Variants in ST3GAL1 observed in about 807,000 individuals in gnomAD.
ST3GAL1 encodes ST3 beta-galactoside alpha-2,3-sialyltransferase 1.
Under a neutral mutation model 34.1 loss-of-function variants are expected in ST3GAL1, and 16 were observed. That is an observed-to-expected ratio of 0.47 (90% CI 0.32 to 0.71). The LOEUF (loss-of-function observed/expected upper bound fraction) is 0.71. Among genes scored for constraint, ST3GAL1 ranks in the 30% least tolerant of loss-of-function variants. ST3GAL1 has a pLI of 0.04. For synonymous variants in ST3GAL1, 191 were observed against 184.7 expected (o/e 1.03, Z -0.28); for missense variants, 353 against 447.4 (o/e 0.79, Z 1.90).
chr8:133,503,260 T>C (rs1817238377), intron 2 of ST3GAL1, among the ~76,000 whole-genome samples: 1 of 152,218 alleles, frequency 6.6e-6, no homozygotes, highest in Non-Finnish European at 1.5e-5. Context: ...ACGTTTGATT[T>C]GTAAGAACTG....
chr8:133,552,832 G>C (rs1241295687), intron 1 of ST3GAL1, among the ~76,000 whole-genome samples: 1 of 152,182 alleles, frequency 6.6e-6, no homozygotes. Context: ...AGCAACCATA[G>C]GTTAAGTACA....
At position 133,459,329 on chromosome 8, in the gene ST3GAL1, CCAA is replaced by C. The variant is rs1815410119; in HGVS notation, c.*432_*434del. 1 of 155,438 alleles carries C rather than the reference CCAA, an allele frequency of 6.4e-6. No homozygotes were observed. The highest frequency in any genetic ancestry group is 2.1e-4 in the South Asian group (1 of 4,874). 9.6% of individuals were successfully genotyped at this position (155,438 alleles called of 1,614,324 possible). ...GAAGGGCAGCATCTCGCCCCGAGCG[CCAA>C]CACCGCCTGGCACGTCTCTGTGCTG... On this transcript the variant is annotated 3_prime_UTR_variant, in exon 10 of 10. Coordinates refer to ENST00000522652, the MANE Select transcript of ST3GAL1 (RefSeq NM_173344.3). The surrounding 1 kb of genome is among the most constrained non-coding windows in gnomAD (Gnocchi z 4.7).
rs988981439 is a variant in ST3GAL1 at position 133,571,666 on chromosome 8, A to C, written c.-582+27T>G. The C allele has an allele frequency of 6.5e-6, 1 of 152,878 alleles. No individual in the cohort carries two copies. Among genetic ancestry groups the C allele is most frequent in the Admixed American group, 6.5e-5 (1 of 15,276 alleles). 9.5% of individuals were successfully genotyped at this position (152,878 alleles called of 1,614,324 possible). On this transcript the variant is annotated intron_variant, in intron 1 of 9. Coordinates refer to ENST00000522652, the MANE Select transcript of ST3GAL1 (RefSeq NM_173344.3). The surrounding 1 kb of genome is among the most constrained non-coding windows in gnomAD (Gnocchi z 6.7). Reference sequence around the variant, plus strand: ...GACGCAGCCCCCGCGCACCCCGAGCAGGGTTCGCCTCCGCGCGCGCACTCA... The same window carrying C: ...GACGCAGCCCCCGCGCACCCCGAGCCGGGTTCGCCTCCGCGCGCGCACTCA...
At chr8:133,560,919 A>T (rs1269271645) in intron 1 of ST3GAL1, among the ~76,000 whole-genome samples, 1 of 152,158 alleles carries the variant, frequency 6.6e-6, no homozygotes, top group Non-Finnish European at 1.5e-5. Flanking sequence ...GTCACTGTAA[A>T]GACTAGGCTC....
chr8:133,531,598 T>A (rs915959240), intron 2 of ST3GAL1, among the ~76,000 whole-genome samples: 1 of 152,036 alleles, frequency 6.6e-6, no homozygotes, highest in East Asian at 1.9e-4. Context: ...TAAAAAGCCA[T>A]GTTCTTCTCC....
intron 2 of ST3GAL1, among the ~76,000 whole-genome samples, chr8:133,523,815 G>A (rs900308149): frequency 9.2e-5 from 14 of 152,200 alleles, no homozygotes; most frequent in African/African-American, 3.4e-4. Context: ...AAGTGGGAGT[G>A]TATTTTTTCA....
At chr8:133,545,132 A>T (rs548467253) in intron 2 of ST3GAL1, among the ~76,000 whole-genome samples, 63 of 152,386 alleles carry the variant, frequency 4.1e-4, no homozygotes, top group African/African-American at 1.4e-3. Context: ...CATTTTAATT[A>T]AAATTTCATT....
intron 3 of ST3GAL1, among the ~76,000 whole-genome samples, chr8:133,477,229 A>C (rs1816212911): frequency 6.6e-6 from 1 of 152,240 alleles, no homozygotes; most frequent in African/African-American, 2.4e-5. Flanking sequence ...AAGATAAGAT[A>C]AAATGATGTA....
chr8:133,542,111 ACC>A (rs57523562), intron 2 of ST3GAL1, among the ~76,000 whole-genome samples: 3,999 of 94,936 alleles, frequency 0.042, 158 homozygotes, highest in African/African-American at 0.13. Context: ...ACACACACAC[ACC>A]CACGCACACA....
chr8:133,538,993 A>T (rs1464367475), intron 2 of ST3GAL1, among the ~76,000 whole-genome samples: 1 of 152,158 alleles, frequency 6.6e-6, no homozygotes, highest in East Asian at 1.9e-4. Flanking sequence ...GCTGGCTGCC[A>T]GGGAGGCTGT....
intron 3 of ST3GAL1, among the ~76,000 whole-genome samples, chr8:133,480,202 C>A (rs1337845691): frequency 6.6e-6 from 1 of 152,218 alleles, no homozygotes; most frequent in African/African-American, 2.4e-5. Context: ...CACCTGCACA[C>A]AACAGAGCTT....
chr8:133,465,184 A>G (rs7846629), intron 6 of ST3GAL1, among the ~76,000 whole-genome samples: 15,554 of 152,066 alleles, frequency 0.1, 1,236 homozygotes, highest in African/African-American at 0.23. Flanking sequence ...CATCACCACC[A>G]CTGCCCGCCT....
intron 3 of ST3GAL1, among the ~76,000 whole-genome samples, chr8:133,496,684 G>A (rs1816955426): frequency 6.6e-6 from 1 of 152,182 alleles, no homozygotes; most frequent in South Asian, 2.1e-4. Context: ...GGAGCCCAGG[G>A]TTCTGGTTCC....
intron 1 of ST3GAL1, among the ~76,000 whole-genome samples, chr8:133,569,839 G>A (rs993277723): frequency 6.6e-6 from 1 of 152,232 alleles, no homozygotes; most frequent in East Asian, 1.9e-4. Context: ...GCAGCGCGGG[G>A]TAAAGAAAAT....
At chr8:133,547,174 G>C (rs1770352399) in intron 1 of ST3GAL1, among the ~76,000 whole-genome samples, 1 of 152,114 alleles carries the variant, frequency 6.6e-6, no homozygotes. Context: ...GTTTGGCCAC[G>C]AGACTTGCTT....
intron 5 of ST3GAL1, among the ~76,000 whole-genome samples, chr8:133,468,113 C>G (rs962176099): frequency 3.3e-5 from 5 of 152,010 alleles, no homozygotes; most frequent in Non-Finnish European, 7.4e-5. Flanking sequence ...TCCACTCCTA[C>G]GTATATACCC....
In ST3GAL1 at chr8:133,500,750, G is replaced by C. The variant is rs143615112; in HGVS notation, c.-428-1561C>G. Among the ~76,000 whole-genome samples, 17 of 152,272 alleles carry C rather than the reference G, an allele frequency of 1.1e-4. No homozygotes were observed. In the East Asian group the frequency reaches 3.3e-3, roughly 29 times the overall value. On this transcript the variant is annotated intron_variant, in intron 2 of 9. Coordinates refer to ENST00000522652, the MANE Select transcript of ST3GAL1 (RefSeq NM_173344.3). ...ATATGAAGTGCGTAAAGCATGCTTG[G>C]CCTCTCAGCCATGCTCCCTGAGGGC... is the stretch of plus-strand genomic sequence containing the variant.
chr8:133,510,612 TTAAC>T (rs1394936748), intron 2 of ST3GAL1, among the ~76,000 whole-genome samples: 67 of 152,212 alleles, frequency 4.4e-4, no homozygotes, highest in African/African-American at 1.5e-3. Flanking sequence ...ATTGCATTAA[TTAAC>T]TAATTAGTGC....
In ST3GAL1 at chr8:133,476,512, TA is replaced by T. The variant is rs1816185976; in HGVS notation, c.-286del. The T allele has an allele frequency of 6.5e-6, 1 of 153,088 alleles. No individual in the cohort carries two copies. Among genetic ancestry groups the T allele is most frequent in the African/African-American group, 2.4e-5 (1 of 41,442 alleles). 9.5% of individuals were successfully genotyped at this position (153,088 alleles called of 1,614,324 possible). ...TCCAACTGTGGTTTCTGACGATCCT[TA>T]ATTAGGGCTTTTTCTTTCCCATCCT... On this transcript the variant is annotated 5_prime_UTR_variant, in exon 4 of 10. It removes the in-frame stop codon of an upstream open reading frame in the 5' UTR. Transcript: ENST00000522652.
Sources: allele counts gnomAD v4.1 joint callset (sites outside exome capture counted in the v4.1 genomes callset), GRCh38; gene constraint gnomAD v4.1.1; non-coding constraint Gnocchi (gnomAD v3.1); transcripts MANE v1.5; gene names NCBI Gene and HGNC (gene_info 2026-07-23, HGNC 2026-07-21).